The following DOCK8 variants were observed in gnomAD, a reference collection of about 807,000 sequenced individuals.
The protein encoded by DOCK8 is dedicator of cytokinesis protein 8.
Under a neutral mutation model 245.6 loss-of-function variants are expected in DOCK8, and 141 were observed. That is an observed-to-expected ratio of 0.57 (90% CI 0.50 to 0.66). The LOEUF (loss-of-function observed/expected upper bound fraction) is 0.66, where lower values mean the gene tolerates loss of function less well. Among genes scored for constraint, DOCK8 ranks in the 30% least tolerant of loss-of-function variants. The probability of loss-of-function intolerance (pLI) is 0.00; values close to 1 mark genes in which losing one functional copy is unlikely to be tolerated. For synonymous variants in DOCK8, 1,168 were observed against 970.2 expected, an observed-to-expected ratio of 1.20 and a Z score of -3.79; for missense variants, 2,965 against 2,603.4, an observed-to-expected ratio of 1.14 and a Z score of -3.02.
At chr9:357,238 A>ATTGCAGCCTGGCCTGTG (rs2052488607) in intron 14 of DOCK8, among the ~76,000 whole-genome samples, 1 of 152,272 alleles carries the variant, frequency 6.6e-6, no homozygotes, top group Non-Finnish European at 1.5e-5. Flanking sequence ...TTAATGTAAT[A>ATTGCAGCCTGGCCTGTG]GAAAAGGTAT....
At chr9:456,337 C>A (rs892280593) in intron 46 of DOCK8, 1 of 152,210 alleles carries the variant, frequency 6.6e-6, no homozygotes, top group Admixed American at 6.5e-5. Context: ...CTCCACTCTG[C>A]TAACAGACAG....
chr9:429,071 G>A (rs945264042), intron 35 of DOCK8, among the ~76,000 whole-genome samples: 6 of 152,192 alleles, frequency 3.9e-5, no homozygotes, highest in Admixed American at 3.3e-4. Context: ...GGGCTCAAGC[G>A]ATTCTCATGC....
In DOCK8 at chr9:446,626, G is replaced by A. The variant is rs774194427; in HGVS notation, c.5817+20G>A. ...GAGGAGGTAATGCACCCAAGGGATT[G>A]GCCACCACTGGATGAGTGGGCTGGG... On this transcript the variant is annotated intron_variant, in intron 44 of 47. Transcript: ENST00000432829. 14 of 1,611,648 alleles carry A rather than the reference G, an allele frequency of 8.7e-6. No homozygotes were observed. The East Asian group carries it at 3.1e-4, about 36-fold the overall frequency.
At chr9:434,996 C>G (rs754633216) in intron 39 of DOCK8, 21 bp downstream of exon 39, 3 of 1,610,714 alleles carry the variant, frequency 1.9e-6, no homozygotes, top group African/African-American at 1.3e-5. Flanking sequence ...TGCAGCTTTT[C>G]CCTTAGAGCA....
intron 6 of DOCK8, among the ~76,000 whole-genome samples, chr9:315,947 C>G (rs1307283428): frequency 6.6e-6 from 1 of 152,110 alleles, no homozygotes; most frequent in Non-Finnish European, 1.5e-5. Flanking sequence ...CCAGATTGCC[C>G]TGAGCGAGTA....
chr9:434,631 C>A, intron 38 of DOCK8, 152 bp from the exon 39 acceptor site: 1 of 755,988 alleles, frequency 1.3e-6, no homozygotes, highest in Non-Finnish European at 2.3e-6. Context: ...ATGTTTTCTT[C>A]TGTCTCGTTT....
intron 5 of DOCK8, among the ~76,000 whole-genome samples, chr9:311,710 G>C (rs544563136): frequency 6.6e-5 from 10 of 152,190 alleles, no homozygotes; most frequent in African/African-American, 2.4e-4. Flanking sequence ...CTCAGGACTG[G>C]TTTGTCTGCA....
At chr9:365,732 C>T (rs2131161050) in intron 14 of DOCK8, 1 of 433,994 alleles carries the variant, frequency 2.3e-6, no homozygotes, top group Non-Finnish European at 4.5e-6. Context: ...CAAATCTCAG[C>T]TCTCTGCCTC....
At position 382,633 on chromosome 9, in the gene DOCK8, C is replaced by A; in HGVS notation, c.2726C>A (p.Ala909Glu). 7 of 1,614,098 alleles carry A rather than the reference C, an allele frequency of 4.3e-6. No individual in the cohort carries two copies. The highest frequency in any genetic ancestry group is 5.1e-6 in the Non-Finnish European group (6 of 1,180,028). The change falls in exon 22 of 48, where the codon GCG (alanine) becomes GAG (glutamate). Residue 909 changes from alanine to glutamate, a missense_variant. By Grantham distance (107) the Ala-to-Glu change is moderately radical. Transcript: ENST00000432829. Reference sequence around the variant, plus strand: ...ATGAGCAGCAGTAACCCAGACCTCGCGGGGACACACTCCGCAGCAGACGAG... The same window carrying A: ...ATGAGCAGCAGTAACCCAGACCTCGAGGGGACACACTCCGCAGCAGACGAG... ...RVMSSSNPDL[A>E]GTHSAADEEV...
chr9:220,989 C>T (rs2046870368), intron 1 of DOCK8: 1 of 196,168 alleles, frequency 5.1e-6, no homozygotes, highest in African/African-American at 2.4e-5. Context: ...TAGGTAAACA[C>T]ATGAAATTTA....
At chr9:408,183 C>G (rs910287301) in intron 28 of DOCK8, among the ~76,000 whole-genome samples, 1 of 152,184 alleles carries the variant, frequency 6.6e-6, no homozygotes, top group Non-Finnish European at 1.5e-5. Flanking sequence ...CTCAAGTTCT[C>G]TCAAAGTGCT....
At chr9:348,448 C>G (rs1254244014) in intron 14 of DOCK8, among the ~76,000 whole-genome samples, 1 of 152,152 alleles carries the variant, frequency 6.6e-6, no homozygotes, top group African/African-American at 2.4e-5. Context: ...ATAGAACGGT[C>G]CTACCTAAAA....
At chr9:414,596 G>T (rs999432609) in intron 28 of DOCK8, among the ~76,000 whole-genome samples, 186 bp from the exon 29 acceptor site, 2 of 151,808 alleles carry the variant, frequency 1.3e-5, no homozygotes, top group Admixed American at 1.3e-4. Context: ...ATCCTGTATT[G>T]CTTGGTTTTC....
At chr9:379,665 A>T in intron 20 of DOCK8, 106 bp from the exon 21 acceptor site, 1 of 1,277,160 alleles carries the variant, frequency 7.8e-7, no homozygotes, top group Non-Finnish European at 1.1e-6. Context: ...GGCCTAGTTA[A>T]ATTGGTCAGC....
chr9:237,256 C>G (rs2047274516), intron 1 of DOCK8, among the ~76,000 whole-genome samples: 1 of 152,234 alleles, frequency 6.6e-6, no homozygotes, highest in South Asian at 2.1e-4. Flanking sequence ...ACAAGTACAG[C>G]TGAAGCACCT....
chr9:386,733 A>C (rs1306700884), intron 23 of DOCK8, among the ~76,000 whole-genome samples: 1 of 151,886 alleles, frequency 6.6e-6, no homozygotes, highest in Non-Finnish European at 1.5e-5. Flanking sequence ...TGGAGGCTCA[A>C]GAATTTGCAT....
In DOCK8 at chr9:415,036, C is replaced by T. The variant is rs566330631; in HGVS notation, c.3700+85C>T. 6.1e-5 allele frequency: 94 copies of T among 1,551,252 alleles called. 1 individual carries two copies. In the Middle Eastern group the frequency reaches 1.6e-3, roughly 27 times the overall value. On this transcript the variant is annotated intron_variant, in intron 29 of 47. Coordinates refer to ENST00000432829, the MANE Select transcript of DOCK8 (RefSeq NM_203447.4). ...CGAATGAGATCTCTGTCATTCGTTC[C>T]AGTGCTGATATGTTCATATGAGCAA...
At chr9:228,042 A>G (rs2047027345) in intron 1 of DOCK8, among the ~76,000 whole-genome samples, 1 of 152,210 alleles carries the variant, frequency 6.6e-6, no homozygotes, top group East Asian at 1.9e-4. Context: ...TGGGGAAGGA[A>G]GTCAGGTTTC....
At chr9:419,198 A>G (rs1476856251) in intron 30 of DOCK8, among the ~76,000 whole-genome samples, 1 of 152,230 alleles carries the variant, frequency 6.6e-6, no homozygotes, top group Non-Finnish European at 1.5e-5. Context: ...TTCTCCCGTG[A>G]GAAAGCAGCA....
Sources: allele counts gnomAD v4.1 joint callset (sites outside exome capture counted in the v4.1 genomes callset), GRCh38; gene constraint gnomAD v4.1.1; transcripts MANE v1.5; gene names NCBI Gene and HGNC (gene_info 2026-07-23, HGNC 2026-07-21).